The following TSHZ2 variants were observed in gnomAD, a reference collection of about 807,000 sequenced individuals.
TSHZ2 encodes teashirt zinc finger homeobox 2.
Under a neutral mutation model 74.4 loss-of-function variants are expected in TSHZ2, and 21 were observed. That is an observed-to-expected ratio of 0.28 (90% CI 0.20 to 0.41). TSHZ2 has a LOEUF of 0.41. Ranked by LOEUF, TSHZ2 falls within the 10% of genes least tolerant of loss-of-function variation. The pLI is 1.00. For missense variants in TSHZ2, 1,244 were observed against 1,293.5 expected, an observed-to-expected ratio of 0.96 and a Z score of 0.59; for synonymous variants, 540 against 515.3, an observed-to-expected ratio of 1.05 and a Z score of -0.65.
intron 2 of TSHZ2, among the ~76,000 whole-genome samples, chr20:53,393,443 T>C (rs1982333273): frequency 6.6e-6 from 1 of 152,218 alleles, no homozygotes; most frequent in African/African-American, 2.4e-5. Flanking sequence ...GCTCACTTCT[T>C]TGTAAAACAC....
intron 1 of TSHZ2, among the ~76,000 whole-genome samples, chr20:53,148,901 A>G (rs142553393): frequency 6.6e-6 from 1 of 152,332 alleles, no homozygotes; most frequent in African/African-American, 2.4e-5. Context: ...GGCTCCAGAA[A>G]GAGAATTCTC....
chr20:53,252,157 G>T (rs541940251), intron 1 of TSHZ2, among the ~76,000 whole-genome samples: 10 of 152,282 alleles, frequency 6.6e-5, no homozygotes, highest in Non-Finnish European at 1.5e-4. Context: ...CAGCAGCAGC[G>T]GCAGCCTTTG....
intron 1 of TSHZ2, among the ~76,000 whole-genome samples, chr20:53,220,983 C>A (rs1004072070): frequency 1.3e-5 from 2 of 152,178 alleles, no homozygotes; most frequent in African/African-American, 4.8e-5. Flanking sequence ...TGTGTCCCCA[C>A]CCAATCTCAT....
At position 53,478,674 on chromosome 20, in the gene TSHZ2, TAAAA is replaced by T. The variant is rs1309617327; in HGVS notation, c.*9-8468_*9-8465del. ...ACTTTAATAAAAAATAAATAAAAAA[TAAAA>T]ATAAATAAATAAATTTAGTTATCAG... On this transcript the variant is annotated intron_variant, in intron 2 of 2. Transcript: ENST00000371497. Among the ~76,000 whole-genome samples the T allele has an allele frequency of 4.6e-5, 7 of 150,922 alleles. No homozygotes were observed. In the East Asian group the frequency reaches 7.8e-4, roughly 17 times the overall value.
At chr20:53,120,652 G>A (rs1439430387) in intron 1 of TSHZ2, among the ~76,000 whole-genome samples, 1 of 152,178 alleles carries the variant, frequency 6.6e-6, no homozygotes, top group Non-Finnish European at 1.5e-5. Flanking sequence ...TGTTTTCAGT[G>A]TTTAAAGGTA....
chr20:53,279,202 C>T (rs1366431359), intron 2 of TSHZ2, among the ~76,000 whole-genome samples: 1 of 152,108 alleles, frequency 6.6e-6, no homozygotes, highest in African/African-American at 2.4e-5. Context: ...GTGGCAGAGG[C>T]AGAAGAAAAT....
chr20:53,383,003 G>A (rs1323155225), intron 2 of TSHZ2, among the ~76,000 whole-genome samples: 2 of 152,234 alleles, frequency 1.3e-5, no homozygotes, highest in African/African-American at 4.8e-5. Context: ...GCTCACGCCT[G>A]TAATCCTAAC....
At chr20:53,052,641 G>A (rs1308211556) in intron 1 of TSHZ2, among the ~76,000 whole-genome samples, 1 of 152,134 alleles carries the variant, frequency 6.6e-6, no homozygotes, top group African/African-American at 2.4e-5. Context: ...CTTCTTTAAG[G>A]CTGAGTATTA....
chr20:53,117,520 G>C (rs1986702955), intron 1 of TSHZ2, among the ~76,000 whole-genome samples: 1 of 152,226 alleles, frequency 6.6e-6, no homozygotes, highest in Non-Finnish European at 1.5e-5. Context: ...CTAGTGCTAA[G>C]TGCCATTGTG....
chr20:53,136,260 C>T lies in TSHZ2; in HGVS notation c.41-117239C>T, dbSNP rs370123946. On this transcript the variant is annotated intron_variant, in intron 1 of 2. Coordinates refer to ENST00000371497, the MANE Select transcript of TSHZ2 (RefSeq NM_173485.6). ...TGCATGAATGGATTCATCACCTCTT[C>T]AACGCCCTACCTCTCAATACTGCCA... Among the ~76,000 whole-genome samples, 15 of 152,328 alleles carry T rather than the reference C, an allele frequency of 9.8e-5. No homozygotes were observed. The East Asian group carries it at 1.3e-3, about 14-fold the overall frequency.
At chr20:53,175,463 C>T (rs987754842) in intron 1 of TSHZ2, among the ~76,000 whole-genome samples, 4 of 151,896 alleles carry the variant, frequency 2.6e-5, no homozygotes, top group African/African-American at 9.6e-5. Context: ...TTTTCTTCTG[C>T]CTTGGCCCTT....
chr20:53,361,375 C>G (rs930863048), intron 2 of TSHZ2, among the ~76,000 whole-genome samples: 6 of 152,242 alleles, frequency 3.9e-5, no homozygotes, highest in African/African-American at 1.4e-4. Flanking sequence ...GATAGCTCCT[C>G]TGGAAGAAAT....
Position 53,236,938 on chromosome 20 carries a change from G to A in TSHZ2, c.41-16561G>A, listed in dbSNP as rs529971680. Among the ~76,000 whole-genome samples the A allele has an allele frequency of 3.7e-4, 56 of 152,216 alleles. No homozygotes were observed. In the Middle Eastern group the frequency reaches 0.01, roughly 28 times the overall value. ...TAATCTAATCAATTCCTCCCACAAG[G>A]TCCCACCCCTAACACGTAGGGCTTA... On this transcript the variant is annotated intron_variant, in intron 1 of 2. Transcript: ENST00000371497.
chr20:53,065,211 T>A (rs915592125), intron 1 of TSHZ2, among the ~76,000 whole-genome samples: 3 of 152,228 alleles, frequency 2.0e-5, no homozygotes, highest in Non-Finnish European at 4.4e-5. Context: ...GTTGGCAGAC[T>A]AGTAGCAAGA....
intron 1 of TSHZ2, among the ~76,000 whole-genome samples, chr20:53,064,712 G>C (rs1259662971): frequency 1.6e-5 from 2 of 122,066 alleles, no homozygotes; most frequent in East Asian, 5.3e-4. Context: ...ACACACAATT[G>C]TGTGAAGCCT....
intron 2 of TSHZ2, among the ~76,000 whole-genome samples, chr20:53,386,705 A>G (rs1289257690): frequency 6.6e-6 from 1 of 152,186 alleles, no homozygotes; most frequent in African/African-American, 2.4e-5. Context: ...ACATTAGTCT[A>G]AGAAAATGGC....
chr20:53,353,318 CT>C (rs1980727944), intron 2 of TSHZ2, among the ~76,000 whole-genome samples: 1 of 152,144 alleles, frequency 6.6e-6, no homozygotes, highest in African/African-American at 2.4e-5. Context: ...TGGCCCCTAG[CT>C]ATTCAAGACC....
chr20:53,255,077 C>T lies in TSHZ2; in HGVS notation c.1619C>T (p.Ala540Val), dbSNP rs370609523. 6.2e-7 allele frequency: 1 copy of T among 1,614,176 alleles called. No individual in the cohort carries two copies. Among genetic ancestry groups the T allele is most frequent in the South Asian group, 1.1e-5 (1 of 91,070 alleles). The change falls in exon 2 of 3, where the codon GCC becomes GTC. Residue 540 changes from alanine to valine, a missense_variant. Around this residue, in one of 6 missense-constraint regions of TSHZ2, gnomAD observed 562 missense variants for 544.0 expected, o/e 1.03. Coordinates refer to ENST00000371497, the MANE Select transcript of TSHZ2 (RefSeq NM_173485.6). This position sits in a 1 kb window ranked among gnomAD's most constrained non-coding sequence, Gnocchi z 4.1. Reference protein sequence around the residue: ...KAQNGAPSWSAYPSIHAAYQL... With the variant: ...KAQNGAPSWSVYPSIHAAYQL... ...CAAAACGGGGCCCCCAGCTGGAGTG[C>T]CTACCCCAGCATCCACGCAGCCTAC...
chr20:53,205,894 A>C (rs1417401092), intron 1 of TSHZ2, among the ~76,000 whole-genome samples: 1 of 152,196 alleles, frequency 6.6e-6, no homozygotes, highest in Non-Finnish European at 1.5e-5. Context: ...AGCCATTTAC[A>C]TTCTTTAAGG....
Sources: gnomAD v4.1 joint callset for allele counts (sites outside exome capture counted in the v4.1 genomes callset) on GRCh38, gnomAD v4.1.1 for gene constraint, gnomAD v4.1.1 regional missense constraint, Gnocchi (gnomAD v3.1) non-coding constraint, MANE v1.5 for transcripts, NCBI Gene and HGNC (gene_info 2026-07-23, HGNC 2026-07-21) for gene names.